The following MAGI2 variants were observed in gnomAD, a reference collection of about 807,000 sequenced individuals.
MAGI2 encodes membrane-associated guanylate kinase, WW and PDZ domain-containing protein 2.
A neutral mutation model predicts 133.3 loss-of-function variants in MAGI2; 35 were observed. That is an observed-to-expected ratio of 0.26 (90% CI 0.20 to 0.35). The LOEUF (loss-of-function observed/expected upper bound fraction) is 0.35. Ranked by LOEUF, MAGI2 falls within the 10% of genes least tolerant of loss-of-function variation. The pLI, the probability that MAGI2 is intolerant of heterozygous loss-of-function variation, is 1.00. For missense variants in MAGI2, 1,636 were observed against 1,863.4 expected, an observed-to-expected ratio of 0.88 and a Z score of 2.25; for synonymous variants, 729 against 710.6, an observed-to-expected ratio of 1.03 and a Z score of -0.41.
chr7:78,553,402 G>A (rs2150711689), intron 3 of MAGI2, among the ~76,000 whole-genome samples: 1 of 152,312 alleles, frequency 6.6e-6, no homozygotes, highest in South Asian at 2.1e-4. Flanking sequence ...AAATGCAACT[G>A]AGTTCTAACA....
At chr7:78,629,257 T>C (rs1274861167) in intron 2 of MAGI2, among the ~76,000 whole-genome samples, 5 of 152,198 alleles carry the variant, frequency 3.3e-5, no homozygotes, top group Non-Finnish European at 2.9e-5. Context: ...CATCAGTGAG[T>C]ATCACCTATT....
At chr7:78,693,362 A>T (rs1309162039) in intron 2 of MAGI2, among the ~76,000 whole-genome samples, 1 of 152,118 alleles carries the variant, frequency 6.6e-6, no homozygotes, top group Non-Finnish European at 1.5e-5. Flanking sequence ...CTTGGGCCAA[A>T]ATATATAGTG....
chr7:78,741,317 C>A (rs1822396616), intron 2 of MAGI2, among the ~76,000 whole-genome samples: 1 of 148,074 alleles, frequency 6.8e-6, no homozygotes, highest in African/African-American at 2.5e-5. Context: ...TGAGAACTAC[C>A]CATTTGGCTA....
chr7:79,418,995 T>C (rs1416267244), intron 1 of MAGI2, among the ~76,000 whole-genome samples: 5 of 151,980 alleles, frequency 3.3e-5, no homozygotes, highest in African/African-American at 7.2e-5. Flanking sequence ...CCCAATGCCA[T>C]TCCTAGACAG....
intron 6 of MAGI2, among the ~76,000 whole-genome samples, chr7:78,482,718 A>T (rs940200883): frequency 6.6e-6 from 1 of 151,946 alleles, no homozygotes; most frequent in Non-Finnish European, 1.5e-5. Flanking sequence ...AATGAAGAAC[A>T]GATCAGTGGC....
intron 2 of MAGI2, among the ~76,000 whole-genome samples, chr7:78,638,664 T>C (rs906313977): frequency 2.6e-5 from 4 of 152,170 alleles, no homozygotes; most frequent in African/African-American, 9.7e-5. Context: ...AACACTGCAT[T>C]CTCACCAATA....
At chr7:78,626,860 G>A (rs1328442441) in intron 3 of MAGI2, among the ~76,000 whole-genome samples, 6 of 134,188 alleles carry the variant, frequency 4.5e-5, no homozygotes, top group South Asian at 2.4e-4. Context: ...GTGTGTGTGT[G>A]TATAAAATAG....
At chr7:79,037,065 G>T (rs908009557) in intron 1 of MAGI2, among the ~76,000 whole-genome samples, 1 of 152,144 alleles carries the variant, frequency 6.6e-6, no homozygotes, top group Non-Finnish European at 1.5e-5. Context: ...CATTTGGCCA[G>T]AGCTGAAAAT....
At chr7:78,736,883 T>C (rs1159149344) in intron 2 of MAGI2, among the ~76,000 whole-genome samples, 8 of 152,202 alleles carry the variant, frequency 5.3e-5, no homozygotes. Flanking sequence ...ATATTCCATG[T>C]GACAAAATGA....
intron 2 of MAGI2, among the ~76,000 whole-genome samples, chr7:78,859,216 A>G (rs1181454805): frequency 1.3e-5 from 2 of 152,158 alleles, no homozygotes; most frequent in African/African-American, 2.4e-5. Flanking sequence ...ATGTCTTTTA[A>G]TTGGAGCATT....
intron 1 of MAGI2, among the ~76,000 whole-genome samples, chr7:79,445,052 C>A (rs959392916): frequency 6.6e-6 from 1 of 152,154 alleles, no homozygotes; most frequent in Non-Finnish European, 1.5e-5. Context: ...CTGAGAAAAA[C>A]AAGCAATGGG....
At chr7:78,382,788 ATC>A (rs1467451218) in intron 6 of MAGI2, among the ~76,000 whole-genome samples, 2 of 151,850 alleles carry the variant, frequency 1.3e-5, no homozygotes, top group African/African-American at 4.8e-5. Context: ...ATAGTCTTTT[ATC>A]TCTCTTTCCA....
intron 1 of MAGI2, among the ~76,000 whole-genome samples, chr7:79,388,461 C>A (rs192395882): frequency 6.6e-6 from 1 of 151,976 alleles, no homozygotes; most frequent in African/African-American, 2.4e-5. Context: ...AGACTTTTAT[C>A]ACGTAAGTTA....
At chr7:79,382,151 T>C (rs1036496582) in intron 1 of MAGI2, among the ~76,000 whole-genome samples, 1 of 151,676 alleles carries the variant, frequency 6.6e-6, no homozygotes, top group East Asian at 1.9e-4. Flanking sequence ...TACATTTTTA[T>C]GCTCAACCAT....
chr7:78,314,986 G>A (rs1389229607), intron 9 of MAGI2, among the ~76,000 whole-genome samples: 1 of 152,120 alleles, frequency 6.6e-6, no homozygotes, highest in Non-Finnish European at 1.5e-5. Context: ...ACATGCTATA[G>A]AAAGGTCACA....
chr7:79,056,366 A>T (rs868498248), intron 1 of MAGI2, among the ~76,000 whole-genome samples: 1 of 152,222 alleles, frequency 6.6e-6, no homozygotes, highest in Non-Finnish European at 1.5e-5. Flanking sequence ...AAAGAAAAAA[A>T]ATCACGTATA....
At position 79,119,654 on chromosome 7, in the gene MAGI2, AAGG is replaced by A. The variant is rs1010118100; in HGVS notation, c.302-112451_302-112449del. Among the ~76,000 whole-genome samples the A allele has an allele frequency of 3.9e-5, 6 of 152,228 alleles. No homozygotes were observed. The East Asian group carries it at 5.8e-4, about 15-fold the overall frequency. On this transcript the variant is annotated intron_variant, in intron 1 of 21. Coordinates refer to ENST00000354212, the MANE Select transcript of MAGI2 (RefSeq NM_012301.4). ...AAAGGAGGAGATGCTTTAGAAAGAAAAGGAGGAGAAGAGCAGGACCTTCAATCC... is the reference window on the plus strand; with the variant it reads ...AAAGGAGGAGATGCTTTAGAAAGAAAAGGAGAAGAGCAGGACCTTCAATCC...
At chr7:78,398,855 G>A (rs1583892286) in intron 6 of MAGI2, among the ~76,000 whole-genome samples, 1 of 152,160 alleles carries the variant, frequency 6.6e-6, no homozygotes, top group East Asian at 1.9e-4. Context: ...GGGCACTTGA[G>A]TTCAATCTCC....
chr7:78,712,534 C>T lies in MAGI2; in HGVS notation c.419-85295G>A, dbSNP rs10245216. ...TTGCTTTTTTATCAGCTAAACTAACCGGGGAAAGGGAGCATGACAAAACTC... is the reference window on the plus strand; with the variant it reads ...TTGCTTTTTTATCAGCTAAACTAACTGGGGAAAGGGAGCATGACAAAACTC... On this transcript the variant is annotated intron_variant, in intron 2 of 21. Transcript: ENST00000354212. Among the ~76,000 whole-genome samples the T allele has an allele frequency of 6.1e-3, 921 of 152,210 alleles. 12 individuals are homozygous for T. The highest frequency in any genetic ancestry group is 0.021 in the African/African-American group (890 of 41,532).
Sources: allele counts gnomAD v4.1 joint callset (sites outside exome capture counted in the v4.1 genomes callset), GRCh38; gene constraint gnomAD v4.1.1; transcripts MANE v1.5; gene names NCBI Gene and HGNC (gene_info 2026-07-23, HGNC 2026-07-21).